The following SYNGR4 variants were observed in gnomAD, a reference collection of about 807,000 sequenced individuals.
SYNGR4 encodes the protein synaptogyrin 4.
In SYNGR4, 15 loss-of-function variants were observed where a neutral mutation model predicts 15.5. The observed-to-expected ratio is 0.97, with a 90% CI of 0.65 to 1.49. The LOEUF (loss-of-function observed/expected upper bound fraction) is 1.49, where lower values mean the gene tolerates loss of function less well. SYNGR4 is among the 40% of genes most tolerant of loss of function. The pLI is 0.00. For missense variants in SYNGR4, 292 were observed against 299.3 expected, an observed-to-expected ratio of 0.98 and a Z score of 0.18; for synonymous variants, 121 against 127.4, an observed-to-expected ratio of 0.95 and a Z score of 0.34.
chr19:48,365,805 C>A lies in SYNGR4; in HGVS notation c.-38C>A. The A allele has an allele frequency of 6.2e-7, 1 of 1,609,628 alleles. No individual in the cohort carries two copies. Among genetic ancestry groups the A allele is most frequent in the Non-Finnish European group, 8.5e-7 (1 of 1,177,394 alleles). On this transcript the variant is annotated 5_prime_UTR_variant, in exon 2 of 5. Coordinates refer to ENST00000344846, the MANE Select transcript of SYNGR4 (RefSeq NM_012451.4). ...CAGCAGGCAGCGCCCAGCACCCTGG[C>A]TCCCACCTCCCAGTGGCCCCAAAGG...
chr19:48,364,962 C>CA (rs1396619717), intron 1 of SYNGR4, among the ~76,000 whole-genome samples: 1 of 151,636 alleles, frequency 6.6e-6, no homozygotes, highest in East Asian at 1.9e-4. Context: ...TCTCGCCCAA[C>CA]AACCCCCTCA....
At chr19:48,364,280 G>T (rs1046323668), upstream of SYNGR4, 19 of 335,536 alleles carry the variant, frequency 5.7e-5, no homozygotes, top group Non-Finnish European at 1.0e-4. Context: ...CTGAGTAGGC[G>T]GAAAGAGGGA....
At chr19:48,375,025 A>AT (rs377458221) in intron 3 of SYNGR4, among the ~76,000 whole-genome samples, 52,113 of 129,452 alleles carry the variant, frequency 0.4, 10,707 homozygotes, top group South Asian at 0.56. Context: ...GCTGAGAAAC[A>AT]TTTTTTTTTT....
chr19:48,368,123 C>G (rs1600941799), intron 2 of SYNGR4, among the ~76,000 whole-genome samples: 1 of 152,160 alleles, frequency 6.6e-6, no homozygotes, highest in Non-Finnish European at 1.5e-5. Context: ...TGGGCCAGGC[C>G]TGATGTCCTT....
At chr19:48,364,355 C>A, upstream of SYNGR4, 1 of 138,486 alleles carries the variant, frequency 7.2e-6, no homozygotes, top group South Asian at 1.7e-4. Context: ...AAAGCGGAAC[C>A]AAAAGAAGGC....
intron 3 of SYNGR4, 136 bp from the exon 4 acceptor site, chr19:48,375,477 C>T: frequency 9.0e-7 from 1 of 1,114,464 alleles, no homozygotes; most frequent in Non-Finnish European, 1.3e-6. Flanking sequence ...AACATAGAAG[C>T]TAATAAAAAA....
chr19:48,375,939 CCTGTGCTTTGGCCTAGGGCTCCTGGG>C, intron 4 of SYNGR4, 120 bp from the exon 5 acceptor site: 1 of 1,526,852 alleles, frequency 6.5e-7, no homozygotes, highest in Non-Finnish European at 8.7e-7. Flanking sequence ...AGCATCAGGG[CCTGTGCTTTGGCCTAGGGCTCCTGGG>C]CAGTGAGCAG....
chr19:48,375,729 A>C lies in SYNGR4; in HGVS notation c.448A>C (p.Thr150Pro), dbSNP rs778948966. The change falls in exon 4 of 5, where the codon ACC (threonine) becomes CCC (proline). Residue 150 changes from threonine to proline, a missense_variant. Physicochemically the swap from Thr to Pro is conservative, Grantham distance 38. Coordinates refer to ENST00000344846, the MANE Select transcript of SYNGR4 (RefSeq NM_012451.4). ...CAGTGCCCAGGCAGCCATCGCCTTC[A>C]CCTTCTTCTCCATCCTTGTCTGGGT... is the stretch of plus-strand genomic sequence containing the variant. ...SSSAQAAIAF[T>P]FFSILVWIFQ... The C allele has an allele frequency of 1.9e-6, 3 of 1,613,368 alleles. No homozygotes were observed. The highest frequency in any genetic ancestry group is 2.5e-6 in the Non-Finnish European group (3 of 1,179,610).
chr19:48,365,032 G>A (rs184575079), intron 1 of SYNGR4, among the ~76,000 whole-genome samples: 1 of 148,530 alleles, frequency 6.7e-6, no homozygotes, highest in Admixed American at 6.7e-5. Flanking sequence ...CCCCACTCCT[G>A]GGACCCCCAG....
At chr19:48,367,378 AG>A (rs1569044060) in intron 2 of SYNGR4, among the ~76,000 whole-genome samples, 1 of 151,356 alleles carries the variant, frequency 6.6e-6, no homozygotes, top group Non-Finnish European at 1.5e-5. Flanking sequence ...GCTTGCAGTG[AG>A]CCGAGATCAC....
intron 3 of SYNGR4, among the ~76,000 whole-genome samples, chr19:48,375,383 G>A (rs570224903): frequency 6.6e-6 from 1 of 152,290 alleles, no homozygotes; most frequent in East Asian, 1.9e-4. Context: ...GGCGGCTCCT[G>A]TATTAGACAG....
intron 2 of SYNGR4, among the ~76,000 whole-genome samples, chr19:48,368,618 G>A (rs1970255047): frequency 6.6e-6 from 1 of 151,910 alleles, no homozygotes; most frequent in Non-Finnish European, 1.5e-5. Flanking sequence ...GACCTCAAAT[G>A]ATCCACCCGC....
At position 48,365,733 on chromosome 19, in the gene SYNGR4, C is replaced by T. The variant is rs1970205112; in HGVS notation, c.-107-3C>T. On this transcript the variant is annotated splice_region_variant and splice_polypyrimidine_tract_variant and intron_variant, in intron 1 of 4. Transcript: ENST00000344846. ...GGCATCCCCCATCTGTGTCATCCCACAGCAGCCAAGCCCAGGGCTGGCCTG... is the reference window on the plus strand; with the variant it reads ...GGCATCCCCCATCTGTGTCATCCCATAGCAGCCAAGCCCAGGGCTGGCCTG... 8.6e-6 allele frequency: 10 copies of T among 1,160,660 alleles called. No individual in the cohort carries two copies. The highest frequency in any genetic ancestry group is 1.5e-5 in the African/African-American group (1 of 65,080). 71.9% of individuals were successfully genotyped at this position (1,160,660 alleles called of 1,614,324 possible). A position where few individuals can be genotyped will look rare whatever the true frequency, so the allele number is the denominator to read the frequency against.
At chr19:48,365,336 CACA>C (rs1378782413) in intron 1 of SYNGR4, among the ~76,000 whole-genome samples, 1 of 128,430 alleles carries the variant, frequency 7.8e-6, no homozygotes, top group Non-Finnish European at 1.6e-5. Flanking sequence ...GCCCTCTCCA[CACA>C]ACACCTTTCC....
At chr19:48,375,128 C>T (rs140858117) in intron 3 of SYNGR4, among the ~76,000 whole-genome samples, 2 of 149,158 alleles carry the variant, frequency 1.3e-5, no homozygotes, top group Non-Finnish European at 3.0e-5. Flanking sequence ...CAGGTTCAAG[C>T]GATTCTCCTG....
At position 48,373,761 on chromosome 19, in the gene SYNGR4, C is replaced by T. The variant is rs368972268; in HGVS notation, c.331+7C>T. The T allele has an allele frequency of 1.5e-4, 244 of 1,612,756 alleles. No individual in the cohort carries two copies. The highest frequency in any genetic ancestry group is 2.0e-4 in the Non-Finnish European group (230 of 1,179,378). ...CTGGACTTCATCCTGGCTGGTGAGC[C>T]CCCAGGACCCCCAACCCAGAGCTGC... is the stretch of plus-strand genomic sequence containing the variant. On this transcript the variant is annotated splice_region_variant and intron_variant, in intron 3 of 4. Coordinates refer to ENST00000344846, the MANE Select transcript of SYNGR4 (RefSeq NM_012451.4).
At chr19:48,366,220 T>C (rs1169609164) in intron 2 of SYNGR4, among the ~76,000 whole-genome samples, 1 of 151,876 alleles carries the variant, frequency 6.6e-6, no homozygotes, top group African/African-American at 2.4e-5. Flanking sequence ...AGTAAATTTT[T>C]TTTCTTTGAA....
chr19:48,374,671 T>G (rs1180092118), intron 3 of SYNGR4, among the ~76,000 whole-genome samples: 6 of 152,176 alleles, frequency 3.9e-5, no homozygotes, highest in African/African-American at 1.4e-4. Context: ...CCGTGGCTAT[T>G]AAGCACTTGA....
At chr19:48,374,163 C>T (rs932506168) in intron 3 of SYNGR4, among the ~76,000 whole-genome samples, 7 of 151,464 alleles carry the variant, frequency 4.6e-5, no homozygotes, top group Middle Eastern at 3.4e-3. Context: ...CTGCAACCTC[C>T]GCCTCCCGGG....
Sources: gnomAD v4.1 joint callset for allele counts (sites outside exome capture counted in the v4.1 genomes callset) on GRCh38, gnomAD v4.1.1 for gene constraint, MANE v1.5 for transcripts, NCBI Gene and HGNC (gene_info 2026-07-23, HGNC 2026-07-21) for gene names.